PGBD2: variants seen among roughly 807,000 people sequenced by gnomAD.
PGBD2 encodes piggyBac transposable element derived 2.
A neutral mutation model predicts 8.1 loss-of-function variants in PGBD2; 6 were observed. The ratio of observed to expected loss-of-function variants is 0.74; its 90% confidence interval spans 0.40 to 1.46. The LOEUF (loss-of-function observed/expected upper bound fraction) is 1.46, where lower values mean the gene tolerates loss of function less well. Ranked by LOEUF, PGBD2 falls within the 40% of genes most tolerant of loss-of-function variation. The probability of loss-of-function intolerance (pLI) is 0.02; values close to 1 mark genes in which losing one functional copy is unlikely to be tolerated. For synonymous variants in PGBD2, 318 were observed against 272.2 expected (o/e 1.17, Z -1.66); for missense variants, 802 against 739.0 (o/e 1.09, Z -0.99).
chr1:248,913,157 C>T (rs1009576293), intron 1 of PGBD2, among the ~76,000 whole-genome samples: 1 of 152,198 alleles, frequency 6.6e-6, no homozygotes, highest in East Asian at 1.9e-4. Context: ...TTCCTCTCCC[C>T]CCTCACCCCA....
chr1:248,893,687 G>T, the PGBD2 span, among the ~76,000 whole-genome samples: 1,051 of 152,276 alleles, frequency 6.9e-3, 14 homozygotes, highest in African/African-American at 0.024. Flanking sequence ...TGTGGATAAT[G>T]CTACTATCAA....
In PGBD2 at chr1:248,918,068, T is replaced by G; in HGVS notation, c.1484T>G (p.Leu495Arg). The G allele has an allele frequency of 6.2e-7, 1 of 1,614,222 alleles. No individual in the cohort carries two copies. The highest frequency in any genetic ancestry group is 8.5e-7 in the Non-Finnish European group (1 of 1,180,038). The change falls in exon 3 of 3, where the codon CTC (leucine) becomes CGC (arginine). Residue 495 changes from leucine (L) to arginine (R), a missense_variant. Transcript: ENST00000329291. ...SFIGYVIDAA[L>R]NNAWQLHRIC... ...ATTGGCTATGTCATTGATGCTGCCC[T>G]CAACAATGCATGGCAGCTGCATAGA...
chr1:248,920,393 G>A (rs1439229858), downstream of PGBD2, among the ~76,000 whole-genome samples: 17 of 151,934 alleles, frequency 1.1e-4, no homozygotes, highest in Admixed American at 8.5e-4. Flanking sequence ...GAGAACTTGC[G>A]ATGTTTGGTT....
the PGBD2 span, among the ~76,000 whole-genome samples, chr1:248,901,047 C>T: frequency 1.3e-5 from 2 of 152,022 alleles, no homozygotes; most frequent in Admixed American, 6.6e-5. Context: ...AAGTGAAGGA[C>T]CTCTTCAAGG....
chr1:248,873,855 G>C, the PGBD2 span, among the ~76,000 whole-genome samples: 1 of 152,206 alleles, frequency 6.6e-6, no homozygotes, highest in African/African-American at 2.4e-5. Context: ...GCTTCCGAGT[G>C]TCAGGATGGC....
the PGBD2 span, among the ~76,000 whole-genome samples, chr1:248,899,121 AC>A: frequency 2.0e-5 from 3 of 152,240 alleles, no homozygotes; most frequent in African/African-American, 7.2e-5. Flanking sequence ...TTAGAGAGTT[AC>A]AGAGAAACTT....
chr1:248,925,124 A>G, the PGBD2 span, among the ~76,000 whole-genome samples: 2 of 152,206 alleles, frequency 1.3e-5, no homozygotes, highest in South Asian at 4.1e-4. Flanking sequence ...GTCCTTCCTC[A>G]GCGCTGCCAC....
chr1:248,922,631 A>T (rs1662310614), downstream of PGBD2, among the ~76,000 whole-genome samples: 2 of 152,222 alleles, frequency 1.3e-5, no homozygotes, highest in Non-Finnish European at 2.9e-5. Flanking sequence ...GATACATTCC[A>T]TCAATACCTA....
chr1:248,911,123 T>TC (rs1661855146), intron 1 of PGBD2, among the ~76,000 whole-genome samples: 3 of 152,226 alleles, frequency 2.0e-5, no homozygotes, highest in Admixed American at 1.3e-4. Flanking sequence ...TCTTTTCTTT[T>TC]TTTTTTAGTA....
In PGBD2 at chr1:248,919,132, T is replaced by C. The variant is rs978103082; in HGVS notation, c.*769T>C. ...AGTTATTTTAAAATGTGCAATTAAATTATTTTTAACTATATTCACCCTGTT... is the reference window on the plus strand; with the variant it reads ...AGTTATTTTAAAATGTGCAATTAAACTATTTTTAACTATATTCACCCTGTT... On this transcript the variant is annotated 3_prime_UTR_variant, in exon 3 of 3. Transcript: ENST00000329291. The C allele has an allele frequency of 2.4e-5, 4 of 167,050 alleles. No homozygotes were observed. The highest frequency in any genetic ancestry group is 9.7e-5 in the African/African-American group (4 of 41,450). 10.3% of individuals were successfully genotyped at this position (167,050 alleles called of 1,614,324 possible).
At chr1:248,892,386 C>T in the PGBD2 span, among the ~76,000 whole-genome samples, 32 of 151,264 alleles carry the variant, frequency 2.1e-4, no homozygotes, top group African/African-American at 5.8e-4. Context: ...ATGTAACGGT[C>T]ATAGAGGGAC....
chr1:248,925,011 C>A, the PGBD2 span, among the ~76,000 whole-genome samples: 8 of 149,342 alleles, frequency 5.4e-5, no homozygotes, highest in Non-Finnish European at 1.0e-4. Context: ...TAACGGAGGG[C>A]TTTTTTTTTT....
chr1:248,896,036 G>A, the PGBD2 span, among the ~76,000 whole-genome samples: 23 of 151,904 alleles, frequency 1.5e-4, no homozygotes, highest in East Asian at 3.7e-3. Flanking sequence ...CCCCCGCCCC[G>A]AGTCCCAGAA....
At chr1:248,906,390 A>G (rs1469116705) in intron 1 of PGBD2, 48 bp downstream of exon 1, 2 of 151,830 alleles carry the variant, frequency 1.3e-5, no homozygotes, top group Non-Finnish European at 2.9e-5. Flanking sequence ...GCTTGAGTAC[A>G]GGAGTGGTTG....
the PGBD2 span, among the ~76,000 whole-genome samples, chr1:248,925,311 G>C: frequency 6.6e-6 from 1 of 152,214 alleles, no homozygotes; most frequent in Non-Finnish European, 1.5e-5. Context: ...ACCCCGCACT[G>C]TATGGAAGGG....
the PGBD2 span, among the ~76,000 whole-genome samples, chr1:248,891,481 T>C: frequency 6.6e-6 from 1 of 152,196 alleles, no homozygotes; most frequent in Admixed American, 6.5e-5. Context: ...TTTTGCTTAA[T>C]AAGAGATATA....
the PGBD2 span, among the ~76,000 whole-genome samples, chr1:248,875,335 A>T: frequency 7.1e-6 from 1 of 140,114 alleles, no homozygotes; most frequent in Non-Finnish European, 1.5e-5. Flanking sequence ...AAAAGAAAAG[A>T]AAAAAAGAAA....
the PGBD2 span, among the ~76,000 whole-genome samples, chr1:248,928,241 A>G: frequency 6.6e-6 from 1 of 152,184 alleles, no homozygotes; most frequent in Non-Finnish European, 1.5e-5. Flanking sequence ...TGAGATGGAC[A>G]AAGGAGCCCT....
the PGBD2 span, among the ~76,000 whole-genome samples, chr1:248,886,333 A>T: frequency 6.6e-6 from 1 of 152,240 alleles, no homozygotes; most frequent in Non-Finnish European, 1.5e-5. Context: ...TCTTAGGGTG[A>T]TCACCTAAAT....
Sources: allele counts gnomAD v4.1 joint callset (sites outside exome capture counted in the v4.1 genomes callset), GRCh38; gene constraint gnomAD v4.1.1; transcripts MANE v1.5; gene names NCBI Gene and HGNC (gene_info 2026-07-23, HGNC 2026-07-21).